The following PLK3 variants were observed in gnomAD, a reference collection of about 807,000 sequenced individuals.
The protein encoded by PLK3 is serine/threonine-protein kinase PLK3.
PLK3 carries 41 observed loss-of-function variants against 71.6 expected under a neutral mutation model. The observed-to-expected ratio is 0.57, with a 90% CI of 0.45 to 0.74. The LOEUF is 0.74. PLK3 is among the 30% of genes least tolerant of loss of function. The pLI is 0.00. For missense variants in PLK3, 791 were observed against 875.6 expected (o/e 0.90, Z 1.22); for synonymous variants, 366 against 355.4 (o/e 1.03, Z -0.33).
In PLK3 at chr1:44,804,174, G is replaced by T; in HGVS notation, c.1270G>T (p.Gly424Cys). 6.2e-7 allele frequency: 1 copy of T among 1,613,750 alleles called. No individual in the cohort carries two copies. The highest frequency in any genetic ancestry group is 8.5e-7 in the Non-Finnish European group (1 of 1,179,656). Residue 424 changes from glycine (G) to cysteine (C), a missense_variant, in exon 11 of 15, where the codon GGT becomes TGT. Transcript: ENST00000372201. ...CCTGTCTCCTTCAGGATTTGAAGAA[G>T]GTCTGACTGTGGCCACAGTAGTGGA... is the stretch of plus-strand genomic sequence containing the variant. ...LASSGDGFEEGLTVATVVESA... is the reference protein window; with the variant it reads ...LASSGDGFEECLTVATVVESA...
At chr1:44,804,272 G>A in intron 11 of PLK3, 26 bp downstream of exon 11, 1 of 1,612,934 alleles carries the variant, frequency 6.2e-7, no homozygotes, top group Non-Finnish European at 8.5e-7. Context: ...GGTACATGCT[G>A]CTGTGGTGGG....
Position 44,801,171 on chromosome 1 carries a change from C to T in PLK3, c.435+19C>T, listed in dbSNP as rs771563871. On this transcript the variant is annotated intron_variant, in intron 3 of 14. Coordinates refer to ENST00000372201, the MANE Select transcript of PLK3 (RefSeq NM_004073.4). ...CCGAAAGGTGAAAGATGGTGATTCC[C>T]GCAGGGATGAGAGTGAGGGAGAGAA... 14 of 1,213,036 alleles carry T rather than the reference C, an allele frequency of 1.2e-5. No homozygotes were observed. In the African/African-American group the frequency reaches 1.9e-4, roughly 17 times the overall value. 75.1% of individuals were successfully genotyped at this position (1,213,036 alleles called of 1,614,324 possible). A position where few individuals can be genotyped will look rare whatever the true frequency, so the allele number is the denominator to read the frequency against.
At position 44,801,646 on chromosome 1, in the gene PLK3, C is replaced by G. The variant is rs144798633; in HGVS notation, c.460C>G (p.Arg154Gly). Reference protein sequence around the residue: ...RKSLAHIWKARHTLLEPEVRY... With the variant: ...RKSLAHIWKAGHTLLEPEVRY... ...GTCCCTGGCCCACATCTGGAAGGCCCGGCACACCCTGTTGGAGCCAGAAGT... is the reference window on the plus strand; with the variant it reads ...GTCCCTGGCCCACATCTGGAAGGCCGGGCACACCCTGTTGGAGCCAGAAGT... Residue 154 changes from arginine (R) to glycine (G), a missense_variant, in exon 4 of 15, where the codon CGG becomes GGG. Coordinates refer to ENST00000372201, the MANE Select transcript of PLK3 (RefSeq NM_004073.4). 1.2e-6 allele frequency: 2 copies of G among 1,613,348 alleles called. No individual in the cohort carries two copies. Among genetic ancestry groups the G allele is most frequent in the Non-Finnish European group, 8.5e-7 (1 of 1,179,858 alleles).
rs745691603 is a variant in PLK3, at chr1:44,801,918, G to A, written c.639G>A (p.Pro213=). 1.1e-5 allele frequency: 18 copies of A among 1,613,076 alleles called. No homozygotes were observed. Among genetic ancestry groups the A allele is most frequent in the Admixed American group, 3.3e-5 (2 of 59,886 alleles). ...GGCTGGCAGCCCGGTTGGAGCCTCCGGAGCAGAGGAAGAAGTGAGTTTTGA... is the reference window on the plus strand; with the variant it reads ...GGCTGGCAGCCCGGTTGGAGCCTCCAGAGCAGAGGAAGAAGTGAGTTTTGA... ...DFGLAARLEP[P]EQRKKTICGT... is the part of the protein sequence containing the mutation. Residue 213 remains proline (P), a synonymous_variant, in exon 5 of 15, where the codon CCG becomes CCA. Coordinates refer to ENST00000372201, the MANE Select transcript of PLK3 (RefSeq NM_004073.4).
At position 44,805,294 on chromosome 1, in the gene PLK3, T is replaced by C. The variant is rs960574432; in HGVS notation, c.1664T>C (p.Val555Ala). Residue 555 changes from valine (V) to alanine (A), a missense_variant, in exon 14 of 15, where the codon GTA becomes GCA. Coordinates refer to ENST00000372201, the MANE Select transcript of PLK3 (RefSeq NM_004073.4). ...GGAGATCTGCCCAGTGTGGAAGAGGTAGAGGTACCTGCTCCGCCCTTGCTG... is the reference window on the plus strand; with the variant it reads ...GGAGATCTGCCCAGTGTGGAAGAGGCAGAGGTACCTGCTCCGCCCTTGCTG... Reference protein sequence around the residue: ...KGGDLPSVEEVEVPAPPLLLQ... With the variant: ...KGGDLPSVEEAEVPAPPLLLQ... 3.0e-5 allele frequency: 49 copies of C among 1,613,604 alleles called. No homozygotes were observed. Among genetic ancestry groups the C allele is most frequent in the Non-Finnish European group, 4.1e-5 (48 of 1,179,780 alleles).
Position 44,800,462 on chromosome 1 carries a change from G to A in PLK3, c.-2G>A. ...GGGACCGCGCTGCGACGCGCCGGCC[G>A]CATGGAGCCTGCCGCCGGTTTCCTG... On this transcript the variant is annotated 5_prime_UTR_variant, in exon 1 of 15. Transcript: ENST00000372201. This position sits in a 1 kb window ranked among gnomAD's most constrained non-coding sequence, Gnocchi z 6.5. 1.4e-6 allele frequency: 2 copies of A among 1,380,350 alleles called. No homozygotes were observed. The highest frequency in any genetic ancestry group is 3.5e-5 in the Admixed American group (1 of 28,388). The allele number at this position is 1,380,350 out of a possible 1,614,324, so 85.5% of individuals were successfully genotyped here. A position where few individuals can be genotyped will look rare whatever the true frequency, so the allele number is the denominator to read the frequency against.
In PLK3 at chr1:44,801,850, T is replaced by G. The variant is rs1440493290; in HGVS notation, c.571T>G (p.Phe191Val). ...ILHRDLKLGN[F>V]FITENMELKV... is the part of the protein sequence containing the mutation. Reference sequence around the variant, plus strand: ...ACCTCTCTTGCCCCATCTAGGAAATTTTTTCATCACTGAGAACATGGAACT... The same window carrying G: ...ACCTCTCTTGCCCCATCTAGGAAATGTTTTCATCACTGAGAACATGGAACT... Residue 191 changes from phenylalanine (F) to valine (V), a missense_variant, in exon 5 of 15, where the codon TTT becomes GTT. Transcript: ENST00000372201. 1.2e-6 allele frequency: 2 copies of G among 1,613,152 alleles called. No individual in the cohort carries two copies. Among genetic ancestry groups the G allele is most frequent in the Admixed American group, 1.7e-5 (1 of 59,914 alleles).
In PLK3 at chr1:44,801,681, C is replaced by T; in HGVS notation, c.495C>T (p.Tyr165=). The T allele has an allele frequency of 6.2e-7, 1 of 1,613,784 alleles. No homozygotes were observed. Among genetic ancestry groups the T allele is most frequent in the Non-Finnish European group, 8.5e-7 (1 of 1,179,956 alleles). Residue 165 remains tyrosine (Y), a synonymous_variant, in exon 4 of 15, where the codon TAC becomes TAT. Transcript: ENST00000372201. ...HTLLEPEVRY[Y]LRQILSGLKY... is the part of the protein sequence containing the mutation. Reference sequence around the variant, plus strand: ...TGTTGGAGCCAGAAGTGCGCTACTACCTGCGGCAGATCCTTTCTGGCCTCA... The same window carrying T: ...TGTTGGAGCCAGAAGTGCGCTACTATCTGCGGCAGATCCTTTCTGGCCTCA...
chr1:44,801,581 AG>A (rs1374340189), intron 3 of PLK3, 40 bp from the exon 4 acceptor site: 2 of 1,323,774 alleles, frequency 1.5e-6, no homozygotes, highest in Admixed American at 3.6e-5. Context: ...GGGGAGGGGG[AG>A]GGAGGGCTCA....
In PLK3 at chr1:44,800,683, G is replaced by A. The variant is rs767574039; in HGVS notation, c.210+10G>A. On this transcript the variant is annotated intron_variant, in intron 1 of 14. Coordinates refer to ENST00000372201, the MANE Select transcript of PLK3 (RefSeq NM_004073.4). This position sits in a 1 kb window ranked among gnomAD's most constrained non-coding sequence, Gnocchi z 6.5. The stretch of plus-strand genomic sequence containing the variant: ...CCGCTTGTTGGGCAAGGTGGGCCGA[G>A]GGACGTCCGCGGGGTGGTGATGGTG... 2 of 1,552,680 alleles carry A rather than the reference G, an allele frequency of 1.3e-6. No individual in the cohort carries two copies. The highest frequency in any genetic ancestry group is 2.4e-5 in the South Asian group (2 of 84,958).
intron 3 of PLK3, among the ~76,000 whole-genome samples, chr1:44,801,370 C>T (rs1472248033): frequency 4.0e-5 from 6 of 151,898 alleles, no homozygotes; most frequent in East Asian, 1.9e-4. Flanking sequence ...CCACCACGCC[C>T]GGCTAATTTT....
At chr1:44,802,117 G>C (rs774049432) in intron 5 of PLK3, among the ~76,000 whole-genome samples, 185 bp downstream of exon 5, 12 of 152,152 alleles carry the variant, frequency 7.9e-5, no homozygotes, top group Admixed American at 3.3e-4. Flanking sequence ...CCGGTGGAGA[G>C]GGGGAGGATC....
chr1:44,800,407 G>T lies in PLK3; in HGVS notation c.-57G>T. On this transcript the variant is annotated 5_prime_UTR_variant, in exon 1 of 15. Coordinates refer to ENST00000372201, the MANE Select transcript of PLK3 (RefSeq NM_004073.4). The surrounding 1 kb of genome is among the most constrained non-coding windows in gnomAD (Gnocchi z 6.5). ...GTAGCAAATCCAGGCAGCGCCACGC[G>T]CGGCCGGGGCCGGGCGGAACCGAGA... The T allele has an allele frequency of 8.0e-7, 1 of 1,247,000 alleles. No homozygotes were observed. 77.2% of individuals were successfully genotyped at this position (1,247,000 alleles called of 1,614,324 possible). A position where few individuals can be genotyped will look rare whatever the true frequency, so the allele number is the denominator to read the frequency against.
rs907309705 is a variant in PLK3 at position 44,803,044 on chromosome 1, C to T, written c.839C>T (p.Pro280Leu). The change falls in exon 7 of 15, where the codon CCT (proline) becomes CTT (leucine). Residue 280 changes from proline (P) to leucine (L), a missense_variant. Coordinates refer to ENST00000372201, the MANE Select transcript of PLK3 (RefSeq NM_004073.4). This position sits in a 1 kb window ranked among gnomAD's most constrained non-coding sequence, Gnocchi z 4.3. ...RCIKQVHYTL[P>L]ASLSLPARQL... is the part of the protein sequence containing the mutation. ...ATCAAGCAGGTTCACTACACGCTGCCTGCCAGCCTCTCACTGCCTGCCCGG... is the reference window on the plus strand; with the variant it reads ...ATCAAGCAGGTTCACTACACGCTGCTTGCCAGCCTCTCACTGCCTGCCCGG... 2 of 1,614,010 alleles carry T rather than the reference C, an allele frequency of 1.2e-6. No individual in the cohort carries two copies. The highest frequency in any genetic ancestry group is 3.3e-4 in the Middle Eastern group (2 of 6,062).
Position 44,805,728 on chromosome 1 carries a change from G to T in PLK3, c.*50G>T. ...CTGTGCCTGTCAGGCTCTGGCCCTT[G>T]CCTTTGTGGCCTTCCCCCTTCCTTT... On this transcript the variant is annotated 3_prime_UTR_variant, in exon 15 of 15. Coordinates refer to ENST00000372201, the MANE Select transcript of PLK3 (RefSeq NM_004073.4). The T allele has an allele frequency of 6.4e-7, 1 of 1,554,208 alleles. No homozygotes were observed. Among genetic ancestry groups the T allele is most frequent in the Non-Finnish European group, 8.8e-7 (1 of 1,139,306 alleles).
Position 44,805,498 on chromosome 1 carries a change from C to T in PLK3, c.1761C>T (p.Tyr587=), listed in dbSNP as rs777784782. 6.2e-7 allele frequency: 1 copy of T among 1,614,112 alleles called. No homozygotes were observed. The highest frequency in any genetic ancestry group is 1.7e-5 in the Admixed American group (1 of 60,034). Reference sequence around the variant, plus strand: ...TGCTCTGTGTGCAGGTGAACTTCTACGGGGACCACACCAAGCTGATTCTCA... The same window carrying T: ...TGCTCTGTGTGCAGGTGAACTTCTATGGGGACCACACCAAGCTGATTCTCA... ...FSDGTVQVNF[Y]GDHTKLILSG... Residue 587 remains tyrosine, a synonymous_variant, in exon 15 of 15, where the codon TAC becomes TAT. Transcript: ENST00000372201.
In PLK3 at chr1:44,803,054, C is replaced by T. The variant is rs1345925265; in HGVS notation, c.849C>T (p.Leu283=). 1 of 1,613,912 alleles carries T rather than the reference C, an allele frequency of 6.2e-7. No homozygotes were observed. Among genetic ancestry groups the T allele is most frequent in the African/African-American group, 1.3e-5 (1 of 74,916 alleles). The change falls in exon 7 of 15, where the codon CTC becomes CTT. Residue 283 remains leucine, a synonymous_variant. Coordinates refer to ENST00000372201, the MANE Select transcript of PLK3 (RefSeq NM_004073.4). This position sits in a 1 kb window ranked among gnomAD's most constrained non-coding sequence, Gnocchi z 4.3. ...TTCACTACACGCTGCCTGCCAGCCT[C>T]TCACTGCCTGCCCGGCAGCTCCTGG... The part of the protein sequence containing the change: ...KQVHYTLPAS[L]SLPARQLLAA...
At chr1:44,805,112 A>G in intron 13 of PLK3, 154 bp from the exon 14 acceptor site, 1 of 610,120 alleles carries the variant, frequency 1.6e-6, no homozygotes, top group Non-Finnish European at 2.9e-6. Context: ...TCTCAAAAAA[A>G]AAAAATAAAG....
rs908667778 is a variant in PLK3 at position 44,800,781 on chromosome 1, C to T, written c.211-59C>T. The stretch of plus-strand genomic sequence containing the variant: ...GGGCACTTGACCCCCAACGCGGGGA[C>T]GCCCGCGGGCCAGACTCGGCCCCCC... On this transcript the variant is annotated intron_variant, in intron 1 of 14. Coordinates refer to ENST00000372201, the MANE Select transcript of PLK3 (RefSeq NM_004073.4). The surrounding 1 kb of genome is among the most constrained non-coding windows in gnomAD (Gnocchi z 6.5). 5.8e-6 allele frequency: 9 copies of T among 1,552,186 alleles called. No homozygotes were observed. Among genetic ancestry groups the T allele is most frequent in the African/African-American group, 2.7e-5 (2 of 73,266 alleles).
Sources: allele counts gnomAD v4.1 joint callset (sites outside exome capture counted in the v4.1 genomes callset), GRCh38; gene constraint gnomAD v4.1.1; non-coding constraint Gnocchi (gnomAD v3.1); transcripts MANE v1.5; gene names NCBI Gene and HGNC (gene_info 2026-07-23, HGNC 2026-07-21).